FARP1: variants seen among roughly 807,000 people sequenced by gnomAD.
FARP1 encodes the protein FERM, ARH/RhoGEF and pleckstrin domain protein 1, also known as FERM, ARHGEF and pleckstrin domain-containing protein 1.
FARP1 carries 52 observed loss-of-function variants against 128.8 expected under a neutral mutation model. The ratio of observed to expected loss-of-function variants is 0.40; its 90% CI spans 0.32 to 0.51. The LOEUF (loss-of-function observed/expected upper bound fraction) is 0.51. Ranked by LOEUF, FARP1 falls within the 20% of genes least tolerant of loss-of-function variation. The pLI is 0.45. For missense variants in FARP1, 1,333 were observed against 1,367.9 expected, an observed-to-expected ratio of 0.97 and a Z score of 0.40; for synonymous variants, 580 against 551.8, an observed-to-expected ratio of 1.05 and a Z score of -0.72.
At chr13:98,226,753 A>G (rs1452840915) in intron 2 of FARP1, among the ~76,000 whole-genome samples, 1 of 152,120 alleles carries the variant, frequency 6.6e-6, no homozygotes, top group African/African-American at 2.4e-5. Context: ...GCCATATGAG[A>G]TGAGAAATCC....
chr13:98,398,834 C>T (rs1890652470), intron 13 of FARP1: 1 of 152,026 alleles, frequency 6.6e-6, no homozygotes, highest in South Asian at 2.1e-4. Context: ...TCTAATTATA[C>T]AGCAGTCTGG....
chr13:98,426,356 G>A (rs1240992911), intron 17 of FARP1, among the ~76,000 whole-genome samples: 4 of 152,170 alleles, frequency 2.6e-5, no homozygotes, highest in Non-Finnish European at 5.9e-5. Context: ...TAAGAGTGAT[G>A]GTAAGTGCCT....
In FARP1 at chr13:98,365,412, A is replaced by G. The variant is rs1463438578; in HGVS notation, c.294A>G (p.Leu98=). The G allele has an allele frequency of 4.3e-6, 7 of 1,610,064 alleles. No individual in the cohort carries two copies. In the South Asian group the frequency reaches 5.5e-5, roughly 13 times the overall value. ...CCTTCTAGGTGTGGCTGGATCTCCT[A>G]AAACCCATTGTGAAACAGATTAGAA... is the stretch of plus-strand genomic sequence containing the variant. ...HKKITVWLDL[L]KPIVKQIRRP... is the part of the protein sequence containing the mutation. The change falls in exon 4 of 27, where the codon CTA becomes CTG. Residue 98 remains leucine (L), a synonymous_variant. Coordinates refer to ENST00000319562, the MANE Select transcript of FARP1 (RefSeq NM_005766.4).
At chr13:98,431,364 G>C in intron 18 of FARP1, 84 bp downstream of exon 18, 1 of 919,466 alleles carries the variant, frequency 1.1e-6, no homozygotes, top group Non-Finnish European at 1.6e-6. Flanking sequence ...CCAGGGAGGG[G>C]CTCCCCGGGG....
At chr13:98,367,349 A>G (rs908098050) in intron 4 of FARP1, among the ~76,000 whole-genome samples, 3 of 152,126 alleles carry the variant, frequency 2.0e-5, no homozygotes, top group African/African-American at 7.2e-5. Context: ...GGGTTTTGCC[A>G]TCTTGGCCAG....
chr13:98,303,665 G>C (rs1458439062), intron 2 of FARP1, among the ~76,000 whole-genome samples: 1 of 152,150 alleles, frequency 6.6e-6, no homozygotes, highest in Non-Finnish European at 1.5e-5. Flanking sequence ...TGGCTTCATG[G>C]CTTGTGTATA....
chr13:98,265,257 C>T (rs1323044151), intron 2 of FARP1, among the ~76,000 whole-genome samples: 2 of 149,364 alleles, frequency 1.3e-5, no homozygotes, highest in Admixed American at 6.7e-5. Context: ...TTTGTGTTAG[C>T]GATGCTGGTT....
chr13:98,183,671 G>A (rs1878675674), intron 1 of FARP1, among the ~76,000 whole-genome samples: 1 of 152,116 alleles, frequency 6.6e-6, no homozygotes, highest in South Asian at 2.1e-4. Flanking sequence ...TTATTCAGTG[G>A]TCGCTCATCT....
At chr13:98,324,820 G>C (rs1157332034) in intron 2 of FARP1, among the ~76,000 whole-genome samples, 2 of 152,174 alleles carry the variant, frequency 1.3e-5, no homozygotes, top group Non-Finnish European at 2.9e-5. Flanking sequence ...AGGGGTCTTT[G>C]GCTGCTGCAT....
chr13:98,354,833 T>C (rs1389052944), intron 3 of FARP1, among the ~76,000 whole-genome samples: 1 of 152,234 alleles, frequency 6.6e-6, no homozygotes, highest in East Asian at 1.9e-4. Flanking sequence ...GACAAAATTA[T>C]ATTTTCATTT....
In FARP1 at chr13:98,209,600, C is replaced by T. The variant is rs539389485; in HGVS notation, c.-23-3620C>T. On this transcript the variant is annotated intron_variant, in intron 1 of 26. Transcript: ENST00000319562. ...TTACTTGAGGTCAGGAGTTCAAGAC[C>T]AGCCTAGCCAACATGGTGAAACCCT... is the stretch of plus-strand genomic sequence containing the variant. Among the ~76,000 whole-genome samples, 222 of 144,790 alleles carry T rather than the reference C, an allele frequency of 1.5e-3. 2 individuals carry two copies. The highest frequency in any genetic ancestry group is 5.3e-3 in the African/African-American group (209 of 39,134). The allele number at this position is 144,790 out of a possible 152,430, so 95.0% of individuals were successfully genotyped here. A position where few individuals can be genotyped will look rare whatever the true frequency, so the allele number is the denominator to read the frequency against.
At chr13:98,277,269 T>C (rs111477023) in intron 2 of FARP1, among the ~76,000 whole-genome samples, 9,096 of 152,126 alleles carry the variant, frequency 0.06, 473 homozygotes, top group African/African-American at 0.14. Context: ...CCTCTGGCCA[T>C]GGCCTCGCGT....
chr13:98,393,541 G>A (rs546803420), intron 11 of FARP1, 102 bp from the exon 12 acceptor site: 25 of 818,678 alleles, frequency 3.1e-5, no homozygotes, highest in East Asian at 2.9e-4. Flanking sequence ...ATTGAGGAAG[G>A]CACTAATACG....
At chr13:98,353,981 T>C (rs991582829) in intron 3 of FARP1, among the ~76,000 whole-genome samples, 2 of 152,350 alleles carry the variant, frequency 1.3e-5, no homozygotes, top group Non-Finnish European at 2.9e-5. Flanking sequence ...AACTGAGTAA[T>C]TGATGTTTTG....
intron 2 of FARP1, among the ~76,000 whole-genome samples, chr13:98,300,085 A>G (rs368196930): frequency 8.5e-5 from 13 of 152,242 alleles, no homozygotes; most frequent in African/African-American, 2.9e-4. Flanking sequence ...CAGTCCCAGT[A>G]ATAGGCCAAG....
chr13:98,162,466 G>A (rs1407575336), intron 1 of FARP1, among the ~76,000 whole-genome samples: 4 of 152,098 alleles, frequency 2.6e-5, no homozygotes, highest in Non-Finnish European at 5.9e-5. Context: ...CCTGTAGTAG[G>A]TGCTCATTAA....
At chr13:98,224,087 C>CT (rs1756402211) in intron 2 of FARP1, among the ~76,000 whole-genome samples, 1 of 152,310 alleles carries the variant, frequency 6.6e-6, no homozygotes, top group African/African-American at 2.4e-5. Context: ...AGGCATAAGA[C>CT]TGAGTGTGTA....
chr13:98,317,629 CCT>C (rs145327725), intron 2 of FARP1, among the ~76,000 whole-genome samples: 20,402 of 152,088 alleles, frequency 0.13, 1,811 homozygotes, highest in East Asian at 0.28. Flanking sequence ...AATTGATTCC[CCT>C]CTGTCTTTTG....
intron 2 of FARP1, among the ~76,000 whole-genome samples, chr13:98,307,762 T>C (rs1566858231): frequency 6.6e-6 from 1 of 152,190 alleles, no homozygotes; most frequent in Non-Finnish European, 1.5e-5. Flanking sequence ...GCCTCTCCGG[T>C]CCCTTACGTT....
Sources: allele counts gnomAD v4.1 joint callset (sites outside exome capture counted in the v4.1 genomes callset), GRCh38; gene constraint gnomAD v4.1.1; transcripts MANE v1.5; gene names NCBI Gene and HGNC (gene_info 2026-07-23, HGNC 2026-07-21).